The following POLG2 variants were observed in gnomAD, a reference collection of about 807,000 sequenced individuals.
POLG2 encodes the protein DNA polymerase gamma 2, accessory subunit.
POLG2 carries 50 observed loss-of-function variants against 56.5 expected under a neutral mutation model. The observed-to-expected ratio is 0.88, with a 90% CI of 0.71 to 1.12. The LOEUF (loss-of-function observed/expected upper bound fraction) is 1.12, where lower values mean the gene tolerates loss of function less well. Ranked by LOEUF, POLG2 falls within the 50% of genes most tolerant of loss-of-function variation. The pLI is 0.00. For synonymous variants in POLG2, 226 were observed against 222.6 expected, an observed-to-expected ratio of 1.02 and a Z score of -0.14; for missense variants, 584 against 583.3, an observed-to-expected ratio of 1.00 and a Z score of -0.01.
chr17:64,488,180 AC>A (rs1555667853), intron 4 of POLG2, among the ~76,000 whole-genome samples: 1 of 152,230 alleles, frequency 6.6e-6, no homozygotes, highest in African/African-American at 2.4e-5. Flanking sequence ...CCTGAGCAAC[AC>A]AGCGAGACCC....
At chr17:64,493,127 A>C in intron 1 of POLG2, 106 bp from the exon 2 acceptor site, 2 of 1,270,988 alleles carry the variant, frequency 1.6e-6, no homozygotes, top group Non-Finnish European at 2.3e-6. Flanking sequence ...CAGCATAAAG[A>C]CAGATGTTGG....
chr17:64,489,149 G>A (rs1326198650), intron 4 of POLG2, among the ~76,000 whole-genome samples: 3 of 150,614 alleles, frequency 2.0e-5, no homozygotes, highest in African/African-American at 7.3e-5. Flanking sequence ...GGAAGTGCTC[G>A]TCAAGACAAT....
chr17:64,489,083 CA>C (rs2038010643), intron 4 of POLG2, among the ~76,000 whole-genome samples: 1 of 144,988 alleles, frequency 6.9e-6, no homozygotes, highest in Non-Finnish European at 1.5e-5. Context: ...TGGAGTGCAG[CA>C]GCACAGTCTT....
intron 1 of POLG2, among the ~76,000 whole-genome samples, chr17:64,493,902 T>G (rs1370806689): frequency 6.6e-6 from 1 of 152,196 alleles, no homozygotes; most frequent in Non-Finnish European, 1.5e-5. Context: ...ATTTTTTTCT[T>G]GTTCACTCCC....
At chr17:64,481,215 G>C in intron 6 of POLG2, 1 of 913,422 alleles carries the variant, frequency 1.1e-6, no homozygotes, top group Non-Finnish European at 1.3e-6. Flanking sequence ...GAGCTTCCTA[G>C]CTTATAAGGG....
At chr17:64,484,503 C>G (rs1294981360) in intron 5 of POLG2, among the ~76,000 whole-genome samples, 4 of 152,140 alleles carry the variant, frequency 2.6e-5, no homozygotes, top group East Asian at 3.8e-4. Flanking sequence ...CTGGAGTGTT[C>G]TGAGCAAAGG....
In POLG2 at chr17:64,496,996, T is replaced by G; in HGVS notation, c.-28A>C. 6.3e-7 allele frequency: 1 copy of G among 1,586,704 alleles called. No individual in the cohort carries two copies. The highest frequency in any genetic ancestry group is 8.6e-7 in the Non-Finnish European group (1 of 1,167,148). ...CTCTCCGAAGTTAAAGAGCACACTC[T>G]CCCATCACTCAACGGATCCCAACAA... On this transcript the variant is annotated 5_prime_UTR_variant, in exon 1 of 8. Coordinates refer to ENST00000539111, the MANE Select transcript of POLG2 (RefSeq NM_007215.4).
intron 5 of POLG2, among the ~76,000 whole-genome samples, chr17:64,483,513 C>T (rs1201478650): frequency 8.8e-6 from 1 of 113,454 alleles, no homozygotes; most frequent in African/African-American, 2.9e-5. Context: ...GATCCTGTCT[C>T]AAAAAAAAAA....
At chr17:64,483,070 A>T in intron 5 of POLG2, 71 bp from the exon 6 acceptor site, 1 of 764,512 alleles carries the variant, frequency 1.3e-6, no homozygotes, top group East Asian at 2.5e-5. Flanking sequence ...AATATAACAC[A>T]AGTTTAAATA....
intron 6 of POLG2, chr17:64,481,430 G>C: frequency 1.0e-6 from 1 of 984,994 alleles, no homozygotes. Flanking sequence ...CAGAAATGAC[G>C]ACTGCTGAAG....
chr17:64,478,043 C>T, intron 7 of POLG2, 55 bp from the exon 8 acceptor site: 1 of 1,571,494 alleles, frequency 6.4e-7, no homozygotes, highest in Non-Finnish European at 8.7e-7. Flanking sequence ...TAATAAATTC[C>T]TCCACGTTGC....
chr17:64,485,971 C>G (rs2037945485), intron 4 of POLG2, 103 bp from the exon 5 acceptor site: 11 of 1,112,654 alleles, frequency 9.9e-6, no homozygotes, highest in African/African-American at 1.5e-5. Flanking sequence ...GGCTGGAGTG[C>G]AGTGGCATGA....
chr17:64,489,778 A>G (rs782541039), intron 4 of POLG2, among the ~76,000 whole-genome samples: 1 of 149,872 alleles, frequency 6.7e-6, no homozygotes, highest in Non-Finnish European at 1.5e-5. Flanking sequence ...AAAAAAAATC[A>G]CCATTTGGCA....
chr17:64,489,101 C>G (rs1271289450), intron 4 of POLG2, among the ~76,000 whole-genome samples: 2 of 149,254 alleles, frequency 1.3e-5, no homozygotes, highest in Non-Finnish European at 3.0e-5. Context: ...TCTTGGCTCA[C>G]TGATGATCCT....
At chr17:64,488,640 TAATAACC>T (rs1272797769) in intron 4 of POLG2, among the ~76,000 whole-genome samples, 6 of 152,236 alleles carry the variant, frequency 3.9e-5, no homozygotes, top group African/African-American at 1.4e-4. Context: ...TTAACTATGA[TAATAACC>T]AATAAGTTTC....
At chr17:64,482,405 T>A (rs1162727857) in intron 6 of POLG2, among the ~76,000 whole-genome samples, 1 of 150,352 alleles carries the variant, frequency 6.7e-6, no homozygotes, top group African/African-American at 2.5e-5. Flanking sequence ...CACTGCAACC[T>A]CTGCCTCCTA....
At chr17:64,484,700 CTTTT>C (rs1475908405) in intron 5 of POLG2, among the ~76,000 whole-genome samples, 1 of 152,080 alleles carries the variant, frequency 6.6e-6, no homozygotes, top group African/African-American at 2.4e-5. Context: ...GAAAGGATTC[CTTTT>C]TTTGTTAGCT....
Position 64,480,272 on chromosome 17 carries a change from G to GA in POLG2, c.1292+16dup. On this transcript the variant is annotated intron_variant, in intron 7 of 7. Coordinates refer to ENST00000539111, the MANE Select transcript of POLG2 (RefSeq NM_007215.4). ...CTCTTGAATAAATACACTCTTTAAT[G>GA]AAAATACAATTCTTACTTCGAATAA... 1 of 1,229,902 alleles carries GA rather than the reference G, an allele frequency of 8.1e-7. No homozygotes were observed. The highest frequency in any genetic ancestry group is 1.2e-6 in the Non-Finnish European group (1 of 843,600). The allele number at this position is 1,229,902 out of a possible 1,614,324, so 76.2% of individuals were successfully genotyped here. A position where few individuals can be genotyped will look rare whatever the true frequency, so the allele number is the denominator to read the frequency against.
rs551660041 is a variant in POLG2, at chr17:64,485,999, C to G, written c.970-131G>C. The G allele has an allele frequency of 3.3e-4, 255 of 779,162 alleles. 4 individuals carry two copies. The South Asian group carries it at 3.5e-3, about 11-fold the overall frequency. 48.3% of individuals were successfully genotyped at this position (779,162 alleles called of 1,614,324 possible). ...TGGCATGATCTCAGCTCCCTGCAAC[C>G]TCTGCCTCCCAGGTTCAAGTGATTC... On this transcript the variant is annotated intron_variant, in intron 4 of 7. Coordinates refer to ENST00000539111, the MANE Select transcript of POLG2 (RefSeq NM_007215.4).
Sources: gnomAD v4.1 joint callset for allele counts (sites outside exome capture counted in the v4.1 genomes callset) on GRCh38, gnomAD v4.1.1 for gene constraint, MANE v1.5 for transcripts, NCBI Gene and HGNC (gene_info 2026-07-23, HGNC 2026-07-21) for gene names.